Variants in COLEC10 observed in about 807,000 individuals in gnomAD.
The protein encoded by COLEC10 is collectin-10.
In COLEC10, 22 loss-of-function variants were observed where a neutral mutation model predicts 28.4. The ratio of observed to expected loss-of-function variants is 0.78; its 90% CI spans 0.55 to 1.11. The LOEUF is 1.11. Among genes scored for constraint, COLEC10 ranks in the 50% least tolerant of loss-of-function variants. The probability of loss-of-function intolerance (pLI) is 0.00; values close to 1 mark genes in which losing one functional copy is unlikely to be tolerated. For synonymous variants in COLEC10, 125 were observed against 116.1 expected, an observed-to-expected ratio of 1.08 and a Z score of -0.49; for missense variants, 361 against 344.1, an observed-to-expected ratio of 1.05 and a Z score of -0.39.
upstream of COLEC10, among the ~76,000 whole-genome samples, chr8:119,063,741 AAAG>A (rs1814901754): frequency 6.6e-6 from 1 of 151,970 alleles, no homozygotes; most frequent in African/African-American, 2.4e-5. Flanking sequence ...CAAAAAAAAA[AAAG>A]AAAAGAGTAG....
intron 1 of COLEC10, among the ~76,000 whole-genome samples, chr8:119,008,537 T>G (rs1813847922): frequency 6.7e-6 from 1 of 150,208 alleles, no homozygotes; most frequent in Non-Finnish European, 1.5e-5. Flanking sequence ...CCCCGACAAC[T>G]CAAAAGTTCG....
At chr8:119,034,054 A>G (rs1055854165) in intron 2 of COLEC10, among the ~76,000 whole-genome samples, 4 of 152,226 alleles carry the variant, frequency 2.6e-5, no homozygotes, top group Non-Finnish European at 5.9e-5. Context: ...ATGGTATACT[A>G]TCCAGACATA....
chr8:119,007,039 T>C (rs1813811996), intron 1 of COLEC10, among the ~76,000 whole-genome samples: 4 of 152,110 alleles, frequency 2.6e-5, no homozygotes, highest in Admixed American at 2.6e-4. Context: ...CCTCTAGTTA[T>C]ACCTATGCAA....
At chr8:119,050,704 C>T (rs115503625) in intron 2 of COLEC10, among the ~76,000 whole-genome samples, 1,591 of 152,248 alleles carry the variant, frequency 0.01, 29 homozygotes, top group African/African-American at 0.035. Context: ...AATCAATCCA[C>T]ATCTTGGTTA....
chr8:119,040,218 G>A (rs982262779), intron 2 of COLEC10, among the ~76,000 whole-genome samples: 3 of 151,990 alleles, frequency 2.0e-5, no homozygotes, highest in African/African-American at 4.8e-5. Flanking sequence ...GAGAAATAAC[G>A]TGCAGGCAAA....
chr8:118,963,051 A>G, the COLEC10 span, among the ~76,000 whole-genome samples: 1 of 152,188 alleles, frequency 6.6e-6, no homozygotes. Flanking sequence ...AGAAAAACAC[A>G]GAGTGCTATG....
chr8:119,047,222 A>C (rs1814601511), intron 2 of COLEC10, among the ~76,000 whole-genome samples: 1 of 152,196 alleles, frequency 6.6e-6, no homozygotes, highest in Non-Finnish European at 1.5e-5. Flanking sequence ...TGTAGAAGGT[A>C]AACAATTTGA....
At chr8:119,019,784 C>T (rs544912937) in intron 2 of COLEC10, among the ~76,000 whole-genome samples, 1 of 152,188 alleles carries the variant, frequency 6.6e-6, no homozygotes, top group African/African-American at 2.4e-5. Flanking sequence ...GATGTACACC[C>T]AGTATCAAGC....
chr8:118,962,689 C>T, the COLEC10 span, among the ~76,000 whole-genome samples: 1 of 152,124 alleles, frequency 6.6e-6, no homozygotes, highest in Non-Finnish European at 1.5e-5. Context: ...ATTATAAATA[C>T]TGTGTTATAC....
At chr8:119,040,310 G>A (rs4313185) in intron 2 of COLEC10, among the ~76,000 whole-genome samples, 103,035 of 152,056 alleles carry the variant, frequency 0.68, 36,850 homozygotes, top group African/African-American at 0.92. Context: ...TTTGTTTTTC[G>A]TGACCTATCA....
intron 2 of COLEC10, among the ~76,000 whole-genome samples, chr8:119,017,702 A>G (rs1047277913): frequency 3.9e-5 from 6 of 152,156 alleles, no homozygotes; most frequent in Non-Finnish European, 7.3e-5. Context: ...TAAATAATTA[A>G]TTGTATAAAT....
At chr8:119,016,011 A>G (rs1813985091) in intron 2 of COLEC10, among the ~76,000 whole-genome samples, 1 of 152,160 alleles carries the variant, frequency 6.6e-6, no homozygotes, top group African/African-American at 2.4e-5. Context: ...ACCTTTTACA[A>G]ATGAGGAAAC....
At chr8:119,015,251 G>A (rs919226020) in intron 2 of COLEC10, among the ~76,000 whole-genome samples, 1 of 150,606 alleles carries the variant, frequency 6.6e-6, no homozygotes, top group African/African-American at 2.5e-5. Context: ...GTAGGTCTCG[G>A]TCTTTTGATG....
At chr8:119,087,677 C>T (rs868792670) in intron 1 of COLEC10, among the ~76,000 whole-genome samples, 4 of 151,974 alleles carry the variant, frequency 2.6e-5, no homozygotes, top group Non-Finnish European at 5.9e-5. Flanking sequence ...TTCTGCAACC[C>T]CCCTTTTTGC....
At chr8:119,018,262 C>CT (rs1449397529) in intron 2 of COLEC10, among the ~76,000 whole-genome samples, 1 of 152,158 alleles carries the variant, frequency 6.6e-6, no homozygotes, top group Admixed American at 6.5e-5. Flanking sequence ...CAGACTTCTC[C>CT]TTTTTCTTCT....
intron 2 of COLEC10, among the ~76,000 whole-genome samples, chr8:119,018,925 C>G (rs1235876005): frequency 6.6e-6 from 1 of 152,188 alleles, no homozygotes; most frequent in East Asian, 1.9e-4. Flanking sequence ...GGTATACAAT[C>G]TTTTGTTACC....
intron 1 of COLEC10, among the ~76,000 whole-genome samples, chr8:119,006,946 T>C (rs575743862): frequency 8.5e-5 from 13 of 152,222 alleles, no homozygotes; most frequent in African/African-American, 3.1e-4. Context: ...GACTGAGTTC[T>C]AGCCAGGCAA....
At chr8:119,041,877 G>T (rs1389373522) in intron 2 of COLEC10, among the ~76,000 whole-genome samples, 1 of 152,088 alleles carries the variant, frequency 6.6e-6, no homozygotes, top group African/African-American at 2.4e-5. Flanking sequence ...ATAAAACAGA[G>T]CCATACAGGT....
intron 1 of COLEC10, among the ~76,000 whole-genome samples, chr8:118,996,980 G>A (rs1040716026): frequency 2.0e-5 from 3 of 152,064 alleles, no homozygotes; most frequent in Non-Finnish European, 4.4e-5. Context: ...CCATTCATGC[G>A]GGATCCACCC....
Sources: gnomAD v4.1 joint callset for allele counts (sites outside exome capture counted in the v4.1 genomes callset) on GRCh38, gnomAD v4.1.1 for gene constraint, MANE v1.5 for transcripts, NCBI Gene and HGNC (gene_info 2026-07-23, HGNC 2026-07-21) for gene names.